Variants in RILPL2 observed in about 807,000 individuals in gnomAD.
RILPL2 encodes RILP-like protein 2.
A neutral mutation model predicts 22.2 loss-of-function variants in RILPL2; 19 were observed. That is an observed-to-expected ratio of 0.86 (90% CI 0.60 to 1.25). The LOEUF (loss-of-function observed/expected upper bound fraction) is 1.25. RILPL2 is among the 50% of genes most tolerant of loss of function. RILPL2 has a pLI of 0.00. For synonymous variants in RILPL2, 123 were observed against 111.6 expected (o/e 1.10, Z -0.64); for missense variants, 243 against 263.6 (o/e 0.92, Z 0.54).
At chr12:123,426,171 CAG>C (rs934755593) in intron 2 of RILPL2, among the ~76,000 whole-genome samples, 26 of 152,016 alleles carry the variant, frequency 1.7e-4, no homozygotes, top group African/African-American at 6.0e-4. Context: ...ATTTTTGAGA[CAG>C]AGTCTCACTC....
intron 3 of RILPL2, 62 bp from the exon 4 acceptor site, chr12:123,415,983 C>T (rs1312906061): frequency 1.3e-6 from 2 of 1,560,542 alleles, no homozygotes; most frequent in Non-Finnish European, 1.8e-6. Flanking sequence ...GGCACAGCAA[C>T]CCCCGTAAAA....
chr12:123,430,259 A>AG, intron 2 of RILPL2, among the ~76,000 whole-genome samples: 1 of 151,558 alleles, frequency 6.6e-6, no homozygotes, highest in South Asian at 2.1e-4. Flanking sequence ...AATACAAAAA[A>AG]TTAGCCAGGC....
chr12:123,415,698 G>C lies in RILPL2; in HGVS notation c.*193C>G. ...TCACTGGCCCAGGCCAAATCTTCAA[G>C]GGTGTCTAGTTCTGCAGCCAGGGAG... On this transcript the variant is annotated 3_prime_UTR_variant, in exon 4 of 4. Coordinates refer to ENST00000280571, the MANE Select transcript of RILPL2 (RefSeq NM_145058.3). 1 of 695,784 alleles carries C rather than the reference G, an allele frequency of 1.4e-6. No individual in the cohort carries two copies. Among genetic ancestry groups the C allele is most frequent in the Non-Finnish European group, 2.6e-6 (1 of 385,526 alleles). 43.1% of individuals were successfully genotyped at this position (695,784 alleles called of 1,614,324 possible). A position where few individuals can be genotyped will look rare whatever the true frequency, so the allele number is the denominator to read the frequency against.
chr12:123,432,784 G>A lies in RILPL2; in HGVS notation c.340-2125C>T, dbSNP rs1359815083. Among the ~76,000 whole-genome samples, 8 of 152,174 alleles carry A rather than the reference G, an allele frequency of 5.3e-5. No homozygotes were observed. The East Asian group carries it at 1.5e-3, about 29-fold the overall frequency. On this transcript the variant is annotated intron_variant, in intron 1 of 3. Transcript: ENST00000280571. ...GAGGGAGGCAAAAATAACACAGAAT[G>A]TGGCTGAGCAATCCCCCGCAAGTCA...
At chr12:123,434,709 A>G (rs1457578219) in intron 1 of RILPL2, among the ~76,000 whole-genome samples, 1 of 150,892 alleles carries the variant, frequency 6.6e-6, no homozygotes, top group African/African-American at 2.4e-5. Context: ...TACAGGCGTG[A>G]GTCACAGCAC....
chr12:123,418,082 C>T (rs1879168799), intron 3 of RILPL2, among the ~76,000 whole-genome samples: 1 of 151,980 alleles, frequency 6.6e-6, no homozygotes, highest in Non-Finnish European at 1.5e-5. Flanking sequence ...AGGCACATAC[C>T]CGGCTAATTT....
Position 123,436,010 on chromosome 12 carries a change from T to C in RILPL2, c.339+72A>G, listed in dbSNP as rs1879783165. 6.7e-7 allele frequency: 1 copy of C among 1,490,740 alleles called. No homozygotes were observed. Among genetic ancestry groups the C allele is most frequent in the Admixed American group, 2.6e-5 (1 of 38,770 alleles). 92.3% of individuals were successfully genotyped at this position (1,490,740 alleles called of 1,614,324 possible). A position where few individuals can be genotyped will look rare whatever the true frequency, so the allele number is the denominator to read the frequency against. On this transcript the variant is annotated intron_variant, in intron 1 of 3. Transcript: ENST00000280571. This position sits in a 1 kb window ranked among gnomAD's most constrained non-coding sequence, Gnocchi z 6.7. ...GAGAAGAGAAAAGAAAAGGAAGGCG[T>C]CTCCCTGCCAGTAGGTGCCCTCCTA...
At chr12:123,435,288 T>A (rs1879764034) in intron 1 of RILPL2, among the ~76,000 whole-genome samples, 1 of 152,192 alleles carries the variant, frequency 6.6e-6, no homozygotes, top group African/African-American at 2.4e-5. Flanking sequence ...CACCCCGTTC[T>A]TTTTCTCTGT....
chr12:123,430,776 T>TGGCTCCCTGCAACTTCG (rs1213955849), intron 1 of RILPL2, 117 bp from the exon 2 acceptor site: 142 of 803,700 alleles, frequency 1.8e-4, no homozygotes, highest in Non-Finnish European at 2.1e-4. Context: ...GGCACAATCT[T>TGGCTCCCTGCAACTTCG]GGCTCCCTGC....
intron 2 of RILPL2, among the ~76,000 whole-genome samples, chr12:123,428,416 G>A (rs765762283): frequency 1.3e-5 from 2 of 152,152 alleles, no homozygotes; most frequent in African/African-American, 2.4e-5. Context: ...GATTACAGGC[G>A]TGAGCCACCG....
Position 123,436,075 on chromosome 12 carries a change from C to T in RILPL2, c.339+7G>A, listed in dbSNP as rs1409303346. On this transcript the variant is annotated splice_region_variant and intron_variant, in intron 1 of 3. Transcript: ENST00000280571. The surrounding 1 kb of genome is among the most constrained non-coding windows in gnomAD (Gnocchi z 6.7). Reference sequence around the variant, plus strand: ...CGTGGGCCCGGAACCCTCGCTCCCACACTCACCTCCCCGCTGGCCGGAGGG... The same window carrying T: ...CGTGGGCCCGGAACCCTCGCTCCCATACTCACCTCCCCGCTGGCCGGAGGG... The T allele has an allele frequency of 6.4e-7, 1 of 1,566,538 alleles. No individual in the cohort carries two copies. The highest frequency in any genetic ancestry group is 1.4e-5 in the African/African-American group (1 of 73,658).
chr12:123,409,772 G>A, the RILPL2 span, among the ~76,000 whole-genome samples: 1 of 146,114 alleles, frequency 6.8e-6, no homozygotes, highest in Non-Finnish European at 1.5e-5. Flanking sequence ...TGTTGCCCAG[G>A]TGGGAGTGCA....
At chr12:123,416,559 A>G (rs1017659762) in intron 3 of RILPL2, among the ~76,000 whole-genome samples, 17 of 145,474 alleles carry the variant, frequency 1.2e-4, no homozygotes, top group East Asian at 4.3e-4. Context: ...AGAATGGCAT[A>G]AACCCGGGAG....
chr12:123,433,220 C>CCTTA (rs1450308474), intron 1 of RILPL2, among the ~76,000 whole-genome samples: 1 of 151,640 alleles, frequency 6.6e-6, no homozygotes, highest in African/African-American at 2.4e-5. Flanking sequence ...AATTCTCTTG[C>CCTTA]CTTAGCCTCC....
At chr12:123,428,877 C>G (rs1464114276) in intron 2 of RILPL2, among the ~76,000 whole-genome samples, 1 of 152,202 alleles carries the variant, frequency 6.6e-6, no homozygotes, top group African/African-American at 2.4e-5. Context: ...TCAATAAATA[C>G]TAGCCAACAC....
intron 3 of RILPL2, among the ~76,000 whole-genome samples, chr12:123,416,231 G>A (rs1879113701): frequency 6.6e-6 from 1 of 152,150 alleles, no homozygotes; most frequent in Admixed American, 6.6e-5. Flanking sequence ...AGCTGAGGCA[G>A]GAGAATCGCT....
chr12:123,430,766 G>A (rs1879622540), intron 1 of RILPL2, 107 bp from the exon 2 acceptor site: 1 of 910,940 alleles, frequency 1.1e-6, no homozygotes, highest in Non-Finnish European at 1.4e-6. Flanking sequence ...GGAGTGCCAT[G>A]GCACAATCTT....
intron 3 of RILPL2, among the ~76,000 whole-genome samples, chr12:123,417,831 C>T (rs1004618544): frequency 6.6e-6 from 1 of 152,194 alleles, no homozygotes; most frequent in Admixed American, 6.5e-5. Flanking sequence ...GTGATCTGCC[C>T]GCCTTGGCCT....
At chr12:123,422,005 CTTTT>C (rs35786523) in intron 3 of RILPL2, among the ~76,000 whole-genome samples, 1 of 132,372 alleles carries the variant, frequency 7.6e-6, no homozygotes. Context: ...CTTTCTCTCT[CTTTT>C]TTTTTTTTTT....
Sources: gnomAD v4.1 joint callset for allele counts (sites outside exome capture counted in the v4.1 genomes callset) on GRCh38, gnomAD v4.1.1 for gene constraint, Gnocchi (gnomAD v3.1) non-coding constraint, MANE v1.5 for transcripts, NCBI Gene and HGNC (gene_info 2026-07-23, HGNC 2026-07-21) for gene names.